Variants in PRMT8 observed in about 807,000 individuals in gnomAD.
PRMT8 encodes protein arginine methyltransferase 8.
A neutral mutation model predicts 47.1 loss-of-function variants in PRMT8; 7 were observed. The ratio of observed to expected loss-of-function variants is 0.15; its 90% CI spans 0.08 to 0.28. The LOEUF (loss-of-function observed/expected upper bound fraction) is 0.28, where lower values mean the gene tolerates loss of function less well. PRMT8 is among the 10% of genes least tolerant of loss of function. The pLI, the probability that PRMT8 is intolerant of heterozygous loss-of-function variation, is 1.00. For synonymous variants in PRMT8, 188 were observed against 186.5 expected, an observed-to-expected ratio of 1.01 and a Z score of -0.07; for missense variants, 237 against 505.4, an observed-to-expected ratio of 0.47 and a Z score of 5.09.
intron 1 of PRMT8, among the ~76,000 whole-genome samples, chr12:3,403,637 T>C (rs1479864322): frequency 6.6e-6 from 1 of 151,864 alleles, no homozygotes; most frequent in Non-Finnish European, 1.5e-5. Context: ...CCCAGAACTT[T>C]GGGAGGCTGA....
chr12:3,507,628 G>A (rs1156724435), intron 1 of PRMT8, among the ~76,000 whole-genome samples: 1 of 152,098 alleles, frequency 6.6e-6, no homozygotes, highest in African/African-American at 2.4e-5. Flanking sequence ...CTATTAACAT[G>A]CATTAGTTCA....
upstream of PRMT8, among the ~76,000 whole-genome samples, chr12:3,488,117 G>A (rs762435171): frequency 6.6e-6 from 1 of 152,082 alleles, no homozygotes; most frequent in South Asian, 2.1e-4. Flanking sequence ...TTGTGTTTTT[G>A]TTTTCTCATC....
At chr12:3,426,256 C>T (rs1864603688) in intron 1 of PRMT8, among the ~76,000 whole-genome samples, 1 of 152,242 alleles carries the variant, frequency 6.6e-6, no homozygotes, top group South Asian at 2.1e-4. Context: ...TGATCCATTC[C>T]AACCTGGCAT....
At chr12:3,429,421 G>A (rs964573676) in intron 1 of PRMT8, among the ~76,000 whole-genome samples, 1 of 152,106 alleles carries the variant, frequency 6.6e-6, no homozygotes, top group African/African-American at 2.4e-5. Context: ...CTTTGTGCCT[G>A]ACCCATGCTT....
At chr12:3,527,706 T>C in intron 1 of PRMT8, among the ~76,000 whole-genome samples, 1 of 152,274 alleles carries the variant, frequency 6.6e-6, no homozygotes, top group South Asian at 2.1e-4. Flanking sequence ...CTAAAGGGAT[T>C]TAAATAATAA....
intron 7 of PRMT8, among the ~76,000 whole-genome samples, chr12:3,579,130 G>A (rs1867003656): frequency 1.3e-5 from 2 of 152,178 alleles, no homozygotes; most frequent in South Asian, 4.1e-4. Flanking sequence ...CATAGTACAA[G>A]GCACTTCTGT....
At chr12:3,512,756 G>A (rs1865732100) in intron 1 of PRMT8, among the ~76,000 whole-genome samples, 1 of 152,188 alleles carries the variant, frequency 6.6e-6, no homozygotes, top group East Asian at 1.9e-4. Context: ...CTGGCCAACA[G>A]GATGACTTAG....
At chr12:3,507,145 G>A (rs1456777848) in intron 1 of PRMT8, among the ~76,000 whole-genome samples, 53 of 138,654 alleles carry the variant, frequency 3.8e-4, no homozygotes, top group Admixed American at 2.0e-3. Context: ...TTTTTGAGAC[G>A]GAGTCTCGCT....
chr12:3,524,675 C>G (rs1453835973), intron 1 of PRMT8, among the ~76,000 whole-genome samples: 1 of 151,062 alleles, frequency 6.6e-6, no homozygotes, highest in Non-Finnish European at 1.5e-5. Flanking sequence ...ACCTGAAGCC[C>G]CTACCCAACA....
At chr12:3,413,554 G>A (rs962896690) in intron 1 of PRMT8, among the ~76,000 whole-genome samples, 1 of 152,092 alleles carries the variant, frequency 6.6e-6, no homozygotes, top group Non-Finnish European at 1.5e-5. Flanking sequence ...GCAATAACAG[G>A]CAACGAGCTG....
chr12:3,438,447 A>T (rs1864767709), intron 1 of PRMT8, among the ~76,000 whole-genome samples: 2 of 152,102 alleles, frequency 1.3e-5, no homozygotes, highest in South Asian at 4.2e-4. Context: ...TCTTCTCATG[A>T]CACCTGCTTT....
At chr12:3,411,080 G>A (rs919585376) in intron 1 of PRMT8, among the ~76,000 whole-genome samples, 1 of 152,204 alleles carries the variant, frequency 6.6e-6, no homozygotes, top group Admixed American at 6.5e-5. Flanking sequence ...TCTTTGGAGG[G>A]CTGGTTTACT....
intron 1 of PRMT8, among the ~76,000 whole-genome samples, chr12:3,388,798 A>G (rs1864165068): frequency 6.6e-6 from 1 of 152,254 alleles, no homozygotes; most frequent in Non-Finnish European, 1.5e-5. Context: ...AGGCAAGACA[A>G]GAAAAAAGTG....
intron 1 of PRMT8, among the ~76,000 whole-genome samples, chr12:3,435,665 G>A (rs950242408): frequency 5.9e-5 from 9 of 151,880 alleles, no homozygotes; most frequent in Non-Finnish European, 1.3e-4. Context: ...GGGACTACAG[G>A]CACCTGCCAC....
intron 1 of PRMT8, among the ~76,000 whole-genome samples, chr12:3,474,161 A>G (rs1158558281): frequency 2.6e-5 from 4 of 151,710 alleles, no homozygotes; most frequent in Non-Finnish European, 5.9e-5. Flanking sequence ...TAAAGTCCAC[A>G]CTCCTTAGTG....
intron 1 of PRMT8, among the ~76,000 whole-genome samples, chr12:3,523,508 GACA>G (rs1865910850): frequency 6.6e-6 from 1 of 152,098 alleles, no homozygotes; most frequent in Admixed American, 6.5e-5. Context: ...TAACCCACCA[GACA>G]ACCCTAAGAG....
At chr12:3,573,146 A>G (rs1229890521) in intron 6 of PRMT8, among the ~76,000 whole-genome samples, 2 of 152,012 alleles carry the variant, frequency 1.3e-5, no homozygotes, top group Admixed American at 1.3e-4. Flanking sequence ...ATATTGTCCT[A>G]TGGAGCTTGG....
intron 1 of PRMT8, among the ~76,000 whole-genome samples, chr12:3,525,076 G>T (rs146749316): frequency 6.6e-6 from 1 of 152,138 alleles, no homozygotes; most frequent in Non-Finnish European, 1.5e-5. Context: ...ACAAAAATTA[G>T]CTGGGTGTGG....
chr12:3,547,394 G>C (rs1263262305), intron 2 of PRMT8, among the ~76,000 whole-genome samples: 4 of 151,636 alleles, frequency 2.6e-5, no homozygotes, highest in Admixed American at 1.3e-4. Context: ...TATGTGAAGA[G>C]AGAAAGGCTG....
Sources: allele counts gnomAD v4.1 joint callset (sites outside exome capture counted in the v4.1 genomes callset), GRCh38; gene constraint gnomAD v4.1.1; transcripts MANE v1.5; gene names NCBI Gene and HGNC (gene_info 2026-07-23, HGNC 2026-07-21).